The following TAF4B variants were observed in gnomAD, a reference collection of about 807,000 sequenced individuals.
TAF4B encodes the protein TATA-box binding protein associated factor 4b.
Under a neutral mutation model 86.4 loss-of-function variants are expected in TAF4B, and 38 were observed. The ratio of observed to expected loss-of-function variants is 0.44; its 90% CI spans 0.34 to 0.58. The LOEUF is 0.58. Ranked by LOEUF, TAF4B falls within the 20% of genes least tolerant of loss-of-function variation. TAF4B has a pLI of 0.02. For synonymous variants in TAF4B, 388 were observed against 391.2 expected (o/e 0.99, Z 0.10); for missense variants, 988 against 1,027.6 (o/e 0.96, Z 0.53).
chr18:26,245,266 A>G (rs891008801), intron 1 of TAF4B, among the ~76,000 whole-genome samples: 18 of 152,158 alleles, frequency 1.2e-4, no homozygotes. Context: ...AGATGTGTCC[A>G]GAGTTGGTTC....
chr18:26,373,784 C>T (rs979452638), intron 14 of TAF4B, among the ~76,000 whole-genome samples: 9 of 151,932 alleles, frequency 5.9e-5, no homozygotes, highest in Non-Finnish European at 1.2e-4. Flanking sequence ...TTTATTCATT[C>T]CTCCCTCCCT....
At chr18:26,329,186 T>C (rs1290680615) in intron 12 of TAF4B, among the ~76,000 whole-genome samples, 1 of 152,078 alleles carries the variant, frequency 6.6e-6, no homozygotes, top group Non-Finnish European at 1.5e-5. Context: ...GCTTCTTAAG[T>C]AGCTGGGACT....
At chr18:26,311,092 A>G (rs936965171) in intron 9 of TAF4B, among the ~76,000 whole-genome samples, 1 of 152,124 alleles carries the variant, frequency 6.6e-6, no homozygotes, top group African/African-American at 2.4e-5. Context: ...CTAGGAAAAA[A>G]GCTGCAGTGA....
chr18:26,294,325 G>T (rs569055372), intron 9 of TAF4B, among the ~76,000 whole-genome samples: 1 of 152,014 alleles, frequency 6.6e-6, no homozygotes, highest in Admixed American at 6.5e-5. Flanking sequence ...ATTTTAATAG[G>T]TGTATAAGTG....
At chr18:26,346,849 ATATATATATGTG>A (rs1319132863) in intron 13 of TAF4B, among the ~76,000 whole-genome samples, 226 of 20,574 alleles carry the variant, frequency 0.011, 24 homozygotes, top group African/African-American at 0.03. Flanking sequence ...GTGTGTGTAT[ATATATATATGTG>A]TATATATATA....
chr18:26,363,499 C>G (rs1441931741), intron 14 of TAF4B, among the ~76,000 whole-genome samples: 1 of 151,256 alleles, frequency 6.6e-6, no homozygotes, highest in Non-Finnish European at 1.5e-5. Context: ...GAGCTGTGAT[C>G]AGGCCACTGC....
intron 1 of TAF4B, among the ~76,000 whole-genome samples, chr18:26,231,033 G>GCTTTTTTT (rs2055657826): frequency 1.3e-5 from 1 of 78,064 alleles, no homozygotes; most frequent in Non-Finnish European, 2.7e-5. Context: ...GTGTTGTTTT[G>GCTTTTTTT]CTTTTTTTTT....
chr18:26,354,187 G>T (rs2057267919), intron 13 of TAF4B, among the ~76,000 whole-genome samples: 1 of 152,150 alleles, frequency 6.6e-6, no homozygotes, highest in South Asian at 2.1e-4. Flanking sequence ...CAATTCTCCT[G>T]CCTCAGCCTC....
intron 14 of TAF4B, among the ~76,000 whole-genome samples, chr18:26,388,939 G>A (rs1978539487): frequency 1.3e-5 from 2 of 152,120 alleles, no homozygotes; most frequent in African/African-American, 4.8e-5. Flanking sequence ...AGCCTCCCTG[G>A]TAGCTGGGAT....
At chr18:26,323,551 A>G (rs2056980211) in intron 11 of TAF4B, among the ~76,000 whole-genome samples, 2 of 147,104 alleles carry the variant, frequency 1.4e-5, no homozygotes, top group African/African-American at 2.5e-5. Context: ...TTTTTGAGAC[A>G]GGGGCTCACT....
chr18:26,234,697 G>A (rs1332107191), intron 1 of TAF4B, among the ~76,000 whole-genome samples: 7 of 152,162 alleles, frequency 4.6e-5, no homozygotes, highest in African/African-American at 1.2e-4. Flanking sequence ...CTTGGGTGGC[G>A]TAAGTCTGGG....
At chr18:26,255,527 C>T (rs1041361565) in intron 1 of TAF4B, among the ~76,000 whole-genome samples, 10 of 143,064 alleles carry the variant, frequency 7.0e-5, no homozygotes, top group East Asian at 4.0e-4. Flanking sequence ...CACTTGAACC[C>T]GGGAGACGAA....
intron 3 of TAF4B, among the ~76,000 whole-genome samples, chr18:26,272,473 A>G (rs2056332710): frequency 1.3e-5 from 2 of 149,884 alleles, no homozygotes; most frequent in Admixed American, 6.7e-5. Flanking sequence ...TGAAGGACAG[A>G]TTTTTTTTTT....
At chr18:26,323,895 CT>C (rs1051180100) in intron 11 of TAF4B, among the ~76,000 whole-genome samples, 6 of 152,154 alleles carry the variant, frequency 3.9e-5, no homozygotes, top group African/African-American at 1.4e-4. Flanking sequence ...GAAGAGCTTA[CT>C]CCATTTACAT....
At chr18:26,309,172 A>G (rs2056827586) in intron 9 of TAF4B, among the ~76,000 whole-genome samples, 1 of 150,974 alleles carries the variant, frequency 6.6e-6, no homozygotes, top group Non-Finnish European at 1.5e-5. Flanking sequence ...GTATATATAG[A>G]CCAGCATTTG....
At chr18:26,304,277 A>G (rs1416679918) in intron 9 of TAF4B, among the ~76,000 whole-genome samples, 1 of 151,768 alleles carries the variant, frequency 6.6e-6, no homozygotes, top group Non-Finnish European at 1.5e-5. Flanking sequence ...TCCTTGAGTC[A>G]AGCTACAGGG....
At chr18:26,357,834 G>A in intron 14 of TAF4B, 40 bp downstream of exon 14, 1 of 1,479,414 alleles carries the variant, frequency 6.8e-7, no homozygotes, top group Non-Finnish European at 9.3e-7. Flanking sequence ...TTAATGTCAA[G>A]AAAGCAAGCC....
chr18:26,228,716 T>C (rs1003243392), intron 1 of TAF4B, among the ~76,000 whole-genome samples: 4 of 151,594 alleles, frequency 2.6e-5, no homozygotes, highest in African/African-American at 4.8e-5. Flanking sequence ...TAAGCCAAGA[T>C]ATCTTGCCAC....
chr18:26,346,879 A>ATATATATATATATATGTG lies in TAF4B; in HGVS notation c.2317-10796_2317-10795insGTGTATATATATATATAT, dbSNP rs1567914201. Among the ~76,000 whole-genome samples the ATATATATATATATATGTG allele has an allele frequency of 1.9e-3, 11 of 5,824 alleles. 1 individual carries two copies. The highest frequency in any genetic ancestry group is 3.7e-3 in the African/African-American group (11 of 3,004). 3.8% of individuals were successfully genotyped at this position (5,824 alleles called of 152,430 possible). Reference sequence around the variant, plus strand: ...TATATGTGTATATATATATATGTGTATATATATATATATATATATATGTGT... The same window carrying ATATATATATATATATGTG: ...TATATGTGTATATATATATATGTGTATATATATATATATATGTGTATATATATATATATATATATGTGT... On this transcript the variant is annotated intron_variant, in intron 13 of 14. Transcript: ENST00000269142.
Sources: gnomAD v4.1 joint callset for allele counts (sites outside exome capture counted in the v4.1 genomes callset) on GRCh38, gnomAD v4.1.1 for gene constraint, MANE v1.5 for transcripts, NCBI Gene and HGNC (gene_info 2026-07-23, HGNC 2026-07-21) for gene names.